The following ACP6 variants were observed in gnomAD, a reference collection of about 807,000 sequenced individuals.
ACP6 encodes the protein acid phosphatase 6, lysophosphatidic, also known as lysophosphatidic acid phosphatase type 6.
Under a neutral mutation model 48.1 loss-of-function variants are expected in ACP6, and 48 were observed. That is an observed-to-expected ratio of 1.00 (90% CI 0.79 to 1.27). The LOEUF (loss-of-function observed/expected upper bound fraction) is 1.27, where lower values mean the gene tolerates loss of function less well. ACP6 is among the 50% of genes most tolerant of loss of function. The pLI is 0.00. For missense variants in ACP6, 485 were observed against 529.1 expected, an observed-to-expected ratio of 0.92 and a Z score of 0.82; for synonymous variants, 172 against 204.2, an observed-to-expected ratio of 0.84 and a Z score of 1.34.
intron 1 of ACP6, among the ~76,000 whole-genome samples, chr1:147,669,427 C>T (rs1660967506): frequency 6.6e-6 from 1 of 152,216 alleles, no homozygotes; most frequent in East Asian, 1.9e-4. Context: ...TCAGCTCTGA[C>T]AAACCACCTT....
At chr1:147,667,467 C>T (rs1553213827) in intron 1 of ACP6, among the ~76,000 whole-genome samples, 1 of 152,106 alleles carries the variant, frequency 6.6e-6, no homozygotes, top group Non-Finnish European at 1.5e-5. Flanking sequence ...CCACCTGCCT[C>T]AGCCTCCCAA....
At chr1:147,637,692 C>G (rs587741053), downstream of ACP6, among the ~76,000 whole-genome samples, 8 of 152,346 alleles carry the variant, frequency 5.3e-5, no homozygotes, top group Admixed American at 5.2e-4. Flanking sequence ...CTCACTAAAA[C>G]CCCTCTTCAG....
At chr1:147,630,975 C>G (rs1557870874) in exon 6 of ACP6, 1 of 152,156 alleles carries the variant, frequency 6.6e-6, no homozygotes, top group African/African-American at 2.4e-5. Context: ...GTCAACACTG[C>G]AATGAAGAGT....
rs1292678362 is a variant in ACP6 at position 147,643,902 on chromosome 1, C to G, written c.*3521G>C. ...ACCAGAAGGTTAGGGCCTGGTCTCT[C>G]TGCTTCAAAGATGGTGCCTGTTGCT... On this transcript the variant is annotated 3_prime_UTR_variant, in exon 10 of 10. Transcript: ENST00000583509. 1 of 152,414 alleles carries G rather than the reference C, an allele frequency of 6.6e-6. No homozygotes were observed. Among genetic ancestry groups the G allele is most frequent in the Non-Finnish European group, 1.5e-5 (1 of 68,042 alleles). The allele number at this position is 152,414 out of a possible 1,614,324, so 9.4% of individuals were successfully genotyped here.
intron 4 of ACP6, among the ~76,000 whole-genome samples, chr1:147,658,330 A>T (rs909323295): frequency 2.1e-4 from 32 of 152,258 alleles, no homozygotes; most frequent in Non-Finnish European, 4.1e-4. Context: ...TCTGAAACTC[A>T]GACCAGTAAT....
At chr1:147,635,567 A>G (rs187180746) in intron 5 of ACP6, among the ~76,000 whole-genome samples, 28 of 152,278 alleles carry the variant, frequency 1.8e-4, no homozygotes, top group African/African-American at 5.5e-4. Flanking sequence ...CATGAGTAAA[A>G]ATTAGGGAAG....
At chr1:147,639,054 G>A (rs1378768172), downstream of ACP6, among the ~76,000 whole-genome samples, 1 of 152,080 alleles carries the variant, frequency 6.6e-6, no homozygotes, top group East Asian at 1.9e-4. Context: ...ATGAGGTTTT[G>A]CCATGTTGCT....
In ACP6 at chr1:147,656,171, T is replaced by C. The variant is rs1031390828; in HGVS notation, c.560-923A>G. On this transcript the variant is annotated intron_variant, in intron 4 of 9. Coordinates refer to ENST00000583509, the MANE Select transcript of ACP6 (RefSeq NM_016361.5). ...AATATCAGAATTCACACACACATCG[T>C]TGGTCTGGACAGAAGAAGAAACCAC... 5.9e-5 allele frequency among the ~76,000 whole-genome samples: 9 copies of C among 152,208 alleles called. 1 individual carries two copies. The highest frequency in any genetic ancestry group is 2.2e-4 in the African/African-American group (9 of 41,446).
intron 9 of ACP6, chr1:147,647,973 T>C: frequency 1.9e-6 from 1 of 516,562 alleles, no homozygotes; most frequent in African/African-American, 1.9e-5. Flanking sequence ...GGCGACATCC[T>C]GACAGGGACG....
intron 9 of ACP6, 164 bp downstream of exon 9, chr1:147,648,082 G>T: frequency 1.4e-6 from 1 of 731,734 alleles, no homozygotes; most frequent in Non-Finnish European, 2.2e-6. Flanking sequence ...AGTTCTGCCT[G>T]ACCCCTGGGC....
At chr1:147,641,024 C>T (rs1659434053), downstream of ACP6, among the ~76,000 whole-genome samples, 1 of 152,170 alleles carries the variant, frequency 6.6e-6, no homozygotes, top group Admixed American at 6.5e-5. Flanking sequence ...CCCCAGGACA[C>T]GCTCTAGCCC....
downstream of ACP6, among the ~76,000 whole-genome samples, chr1:147,641,903 T>C (rs1354501532): frequency 6.6e-6 from 1 of 152,068 alleles, no homozygotes; most frequent in Admixed American, 6.6e-5. Context: ...CCCCAAAGGC[T>C]CCCTTGGCTT....
intron 5 of ACP6, among the ~76,000 whole-genome samples, chr1:147,633,753 T>A (rs1192694846): frequency 6.6e-6 from 1 of 152,156 alleles, no homozygotes; most frequent in South Asian, 2.1e-4. Flanking sequence ...AACTTTTCTA[T>A]CAAAAGCAAA....
downstream of ACP6, among the ~76,000 whole-genome samples, chr1:147,638,920 G>A (rs782378188): frequency 3.3e-5 from 5 of 152,112 alleles, no homozygotes; most frequent in South Asian, 2.1e-4. Context: ...GCAGTGGCAC[G>A]AACACGGGCC....
rs183616268 is a variant in ACP6, at chr1:147,658,892, T to C, written c.559+68A>G. On this transcript the variant is annotated intron_variant, in intron 4 of 9. Transcript: ENST00000583509. ...AAGGGAACAGGCACCAAGAAAGAGATAGGGGCTTCGGAAGTGAGAAGCAAG... is the reference window on the plus strand; with the variant it reads ...AAGGGAACAGGCACCAAGAAAGAGACAGGGGCTTCGGAAGTGAGAAGCAAG... The C allele has an allele frequency of 5.2e-5, 74 of 1,433,366 alleles. No homozygotes were observed. The Middle Eastern group carries it at 1.3e-3, about 25-fold the overall frequency. The allele number at this position is 1,433,366 out of a possible 1,614,324, so 88.8% of individuals were successfully genotyped here. A position where few individuals can be genotyped will look rare whatever the true frequency, so the allele number is the denominator to read the frequency against.
chr1:147,637,022 G>A (rs951553873), intron 5 of ACP6, among the ~76,000 whole-genome samples: 5 of 152,174 alleles, frequency 3.3e-5, no homozygotes, highest in Non-Finnish European at 4.4e-5. Context: ...AGCCCAAGGT[G>A]GGGATAACAG....
chr1:147,664,573 T>C lies in ACP6; in HGVS notation c.220-4798A>G, dbSNP rs587604579. The stretch of plus-strand genomic sequence containing the variant: ...AACGAGCTCCTTTACTGGTCTGTCC[T>C]GGCTTCCTGAGAACAGAGACTCGGT... On this transcript the variant is annotated intron_variant, in intron 1 of 9. Coordinates refer to ENST00000583509, the MANE Select transcript of ACP6 (RefSeq NM_016361.5). Among the ~76,000 whole-genome samples the C allele has an allele frequency of 2.6e-5, 4 of 152,338 alleles. No individual in the cohort carries two copies. The South Asian group carries it at 8.3e-4, about 32-fold the overall frequency.
At chr1:147,662,251 T>C (rs1319712182) in intron 1 of ACP6, among the ~76,000 whole-genome samples, 3 of 152,154 alleles carry the variant, frequency 2.0e-5, no homozygotes, top group Non-Finnish European at 4.4e-5. Context: ...GCTAACACAA[T>C]GTCCTTTCTG....
At chr1:147,648,445 C>T (rs1553209964) in intron 8 of ACP6, 34 bp from the exon 9 acceptor site, 1 of 1,610,858 alleles carries the variant, frequency 6.2e-7, no homozygotes, top group Non-Finnish European at 8.5e-7. Flanking sequence ...CAATTCTCTG[C>T]CTCAGGACTC....
Sources: allele counts gnomAD v4.1 joint callset (sites outside exome capture counted in the v4.1 genomes callset), GRCh38; gene constraint gnomAD v4.1.1; transcripts MANE v1.5; gene names NCBI Gene and HGNC (gene_info 2026-07-23, HGNC 2026-07-21).